STX8: variants seen among roughly 807,000 people sequenced by gnomAD.
STX8 encodes the protein syntaxin-8.
In STX8, 23 loss-of-function variants were observed where a neutral mutation model predicts 37.5. The observed-to-expected ratio is 0.61, with a 90% CI of 0.44 to 0.87. The LOEUF (loss-of-function observed/expected upper bound fraction) is 0.87. Among genes scored for constraint, STX8 ranks in the 40% least tolerant of loss-of-function variants. The pLI is 0.00. For missense variants in STX8, 313 were observed against 284.7 expected, an observed-to-expected ratio of 1.10 and a Z score of -0.71; for synonymous variants, 115 against 99.1, an observed-to-expected ratio of 1.16 and a Z score of -0.95.
chr17:9,477,734 G>T (rs1906161968), intron 6 of STX8, among the ~76,000 whole-genome samples: 1 of 152,196 alleles, frequency 6.6e-6, no homozygotes, highest in Non-Finnish European at 1.5e-5. Flanking sequence ...TTCTAAACTT[G>T]ATTTATTCCA....
intron 4 of STX8, among the ~76,000 whole-genome samples, chr17:9,525,903 G>A (rs529562611): frequency 9.2e-5 from 14 of 152,172 alleles, no homozygotes; most frequent in Non-Finnish European, 1.8e-4. Context: ...AACAGTTTGA[G>A]GAATCATGGT....
chr17:9,396,668 C>A (rs1912414638), intron 6 of STX8, among the ~76,000 whole-genome samples: 1 of 150,136 alleles, frequency 6.7e-6, no homozygotes, highest in African/African-American at 2.4e-5. Flanking sequence ...CGAGATCGAG[C>A]CATTGCACTC....
intron 7 of STX8, among the ~76,000 whole-genome samples, chr17:9,252,477 T>C (rs1169873851): frequency 2.7e-5 from 4 of 147,968 alleles, no homozygotes; most frequent in African/African-American, 7.5e-5. Flanking sequence ...GGTGTGGTGG[T>C]GGGTGCCTGT....
At chr17:9,263,508 A>G (rs553495325) in intron 7 of STX8, among the ~76,000 whole-genome samples, 5 of 152,304 alleles carry the variant, frequency 3.3e-5, no homozygotes, top group African/African-American at 1.2e-4. Flanking sequence ...AGTAGTATCT[A>G]ATGACTAGCT....
chr17:9,575,016 T>G (rs1907844875), intron 1 of STX8, among the ~76,000 whole-genome samples: 1 of 152,148 alleles, frequency 6.6e-6, no homozygotes, highest in Non-Finnish European at 1.5e-5. Flanking sequence ...AACAAGAACG[T>G]TATAGAGCTG....
chr17:9,283,623 T>A (rs1292691220), intron 7 of STX8, among the ~76,000 whole-genome samples: 2 of 152,216 alleles, frequency 1.3e-5, no homozygotes, highest in Non-Finnish European at 2.9e-5. Flanking sequence ...AAAAGTACCA[T>A]GAGAACTTGG....
chr17:9,354,808 T>C (rs902688441), intron 7 of STX8, among the ~76,000 whole-genome samples: 3 of 152,196 alleles, frequency 2.0e-5, no homozygotes, highest in African/African-American at 7.2e-5. Flanking sequence ...CTCTTAGCTC[T>C]AGCTCTCTAT....
rs745424722 is a variant in STX8 at position 9,546,590 on chromosome 17, G to GTTTTTTTTTTTTTTTTTTTTTTTTTTTTT, written c.213-1309_213-1308insAAAAAAAAAAAAAAAAAAAAAAAAAAAAA. Among the ~76,000 whole-genome samples the GTTTTTTTTTTTTTTTTTTTTTTTTTTTTT allele has an allele frequency of 2.7e-4, 17 of 62,230 alleles. 4 individuals are homozygous for GTTTTTTTTTTTTTTTTTTTTTTTTTTTTT. Among genetic ancestry groups the GTTTTTTTTTTTTTTTTTTTTTTTTTTTTT allele is most frequent in the African/African-American group, 6.4e-4 (11 of 17,100 alleles). 40.8% of individuals were successfully genotyped at this position (62,230 alleles called of 152,430 possible). A position where few individuals can be genotyped will look rare whatever the true frequency, so the allele number is the denominator to read the frequency against. On this transcript the variant is annotated intron_variant, in intron 3 of 7. Transcript: ENST00000306357. ...CTTTCTTGATGCAAACTACAAAAGT[G>GTTTTTTTTTTTTTTTTTTTTTTTTTTTTT]GTTTTTTTTTTTTTTTTTTTTTTTT...
At chr17:9,309,900 C>T (rs140239008) in intron 7 of STX8, among the ~76,000 whole-genome samples, 2 of 152,304 alleles carry the variant, frequency 1.3e-5, no homozygotes, top group East Asian at 3.9e-4. Context: ...GAAACCATTT[C>T]ATATTTGATT....
chr17:9,274,153 C>T (rs1188377897), intron 7 of STX8, among the ~76,000 whole-genome samples: 1 of 152,102 alleles, frequency 6.6e-6, no homozygotes, highest in Non-Finnish European at 1.5e-5. Context: ...TTTGCCATCC[C>T]TCCCCTCTGC....
chr17:9,459,171 G>C (rs1421727921), intron 6 of STX8, among the ~76,000 whole-genome samples: 1 of 152,158 alleles, frequency 6.6e-6, no homozygotes, highest in Non-Finnish European at 1.5e-5. Flanking sequence ...AAGGCAGAGA[G>C]AGCCATTAAC....
intron 4 of STX8, among the ~76,000 whole-genome samples, chr17:9,536,344 C>T (rs1035313030): frequency 1.3e-5 from 2 of 152,170 alleles, no homozygotes; most frequent in African/African-American, 4.8e-5. Context: ...GAGACAGCAA[C>T]TACCCGAAGC....
chr17:9,344,746 C>A (rs746776998), intron 7 of STX8, among the ~76,000 whole-genome samples: 1 of 152,136 alleles, frequency 6.6e-6, no homozygotes, highest in African/African-American at 2.4e-5. Flanking sequence ...CTCCAGTTTC[C>A]CTACTATGGA....
At chr17:9,284,274 C>CT (rs1010406462) in intron 7 of STX8, among the ~76,000 whole-genome samples, 3 of 152,116 alleles carry the variant, frequency 2.0e-5, no homozygotes, top group African/African-American at 7.2e-5. Flanking sequence ...CTAAGTTTTC[C>CT]TTTTTTAAAA....
chr17:9,351,930 C>A (rs564836404), intron 7 of STX8, among the ~76,000 whole-genome samples: 1 of 152,030 alleles, frequency 6.6e-6, no homozygotes, highest in East Asian at 1.9e-4. Context: ...GGGAGGATCA[C>A]TTGAGCTCAG....
chr17:9,537,419 C>T (rs531289603), intron 4 of STX8, among the ~76,000 whole-genome samples: 12 of 152,222 alleles, frequency 7.9e-5, no homozygotes, highest in African/African-American at 1.2e-4. Flanking sequence ...GGAACACGCA[C>T]GCCTTGTGTC....
Position 9,575,809 on chromosome 17 carries a change from C to A in STX8, c.-1G>T. 1 of 1,541,176 alleles carries A rather than the reference C, an allele frequency of 6.5e-7. No homozygotes were observed. Among genetic ancestry groups the A allele is most frequent in the Non-Finnish European group, 8.7e-7 (1 of 1,146,318 alleles). ...GGACTCACCAGGGGTCCGGTGCCAT[C>A]CTGCAGACTCCGCCCGCCGCTCGGA... On this transcript the variant is annotated 5_prime_UTR_variant, in exon 1 of 8. Transcript: ENST00000306357.
chr17:9,536,514 C>T (rs1906063954), intron 4 of STX8, among the ~76,000 whole-genome samples: 1 of 152,140 alleles, frequency 6.6e-6, no homozygotes. Flanking sequence ...GAGCTAAACC[C>T]AGGCACCCCC....
chr17:9,329,978 T>A (rs1160907963), intron 7 of STX8, among the ~76,000 whole-genome samples: 1 of 151,894 alleles, frequency 6.6e-6, no homozygotes, highest in Non-Finnish European at 1.5e-5. Context: ...GTGCAGCTGG[T>A]CATAGCTAAG....
Sources: allele counts gnomAD v4.1 joint callset (sites outside exome capture counted in the v4.1 genomes callset), GRCh38; gene constraint gnomAD v4.1.1; transcripts MANE v1.5; gene names NCBI Gene and HGNC (gene_info 2026-07-23, HGNC 2026-07-21).